Variants in ARHGAP15 observed in about 807,000 individuals in gnomAD.
ARHGAP15 encodes the protein rho GTPase-activating protein 15.
A neutral mutation model predicts 63.7 loss-of-function variants in ARHGAP15; 51 were observed. The observed-to-expected ratio is 0.80, with a 90% CI of 0.64 to 1.01. The LOEUF is 1.01. ARHGAP15 is among the 50% of genes least tolerant of loss of function. ARHGAP15 has a pLI of 0.00. For synonymous variants in ARHGAP15, 191 were observed against 193.8 expected (o/e 0.99, Z 0.12); for missense variants, 560 against 564.6 (o/e 0.99, Z 0.08).
intron 10 of ARHGAP15, among the ~76,000 whole-genome samples, chr2:143,528,187 G>C (rs547178192): frequency 6.6e-6 from 1 of 152,024 alleles, no homozygotes; most frequent in Non-Finnish European, 1.5e-5. Context: ...ATAGCCTGCT[G>C]TTTTTAATCA....
intron 6 of ARHGAP15, among the ~76,000 whole-genome samples, chr2:143,359,514 A>G (rs1204322870): frequency 6.6e-6 from 1 of 152,100 alleles, no homozygotes; most frequent in Non-Finnish European, 1.5e-5. Flanking sequence ...ATTTCTTGCC[A>G]GTGCCTTCAT....
At chr2:143,641,531 G>C (rs1174355631) in intron 12 of ARHGAP15, among the ~76,000 whole-genome samples, 1 of 152,058 alleles carries the variant, frequency 6.6e-6, no homozygotes, top group Non-Finnish European at 1.5e-5. Context: ...AGTTACTTCA[G>C]GAGATTAATT....
At chr2:143,298,663 T>C (rs1452214287) in intron 6 of ARHGAP15, among the ~76,000 whole-genome samples, 2 of 151,942 alleles carry the variant, frequency 1.3e-5, no homozygotes, top group Non-Finnish European at 2.9e-5. Flanking sequence ...TCAGAAAATA[T>C]GTTAATAAAA....
At chr2:143,303,422 A>G (rs1213679233) in intron 6 of ARHGAP15, among the ~76,000 whole-genome samples, 1 of 152,076 alleles carries the variant, frequency 6.6e-6, no homozygotes, top group Non-Finnish European at 1.5e-5. Context: ...ATATGTAGAA[A>G]GCTGAAACTG....
chr2:143,478,383 T>A (rs566124946), intron 8 of ARHGAP15, among the ~76,000 whole-genome samples: 1 of 152,252 alleles, frequency 6.6e-6, no homozygotes, highest in Admixed American at 6.5e-5. Flanking sequence ...GTAAAGCAGA[T>A]GATTTAAGAC....
chr2:143,286,638 G>A, intron 6 of ARHGAP15, among the ~76,000 whole-genome samples: 1 of 152,078 alleles, frequency 6.6e-6, no homozygotes, highest in Non-Finnish European at 1.5e-5. Context: ...GAAGAAAATA[G>A]AGAAAAAGAG....
intron 6 of ARHGAP15, among the ~76,000 whole-genome samples, chr2:143,388,374 C>T (rs1261182704): frequency 2.0e-5 from 3 of 152,036 alleles, no homozygotes; most frequent in African/African-American, 7.2e-5. Flanking sequence ...CTTAAAAATC[C>T]AGAAGGATTC....
chr2:143,301,113 G>A (rs534269971), intron 6 of ARHGAP15, among the ~76,000 whole-genome samples: 2 of 151,734 alleles, frequency 1.3e-5, no homozygotes, highest in Admixed American at 1.3e-4. Flanking sequence ...ATGACAAGAG[G>A]CAAATATGAA....
intron 4 of ARHGAP15, among the ~76,000 whole-genome samples, chr2:143,222,165 CAGA>C (rs1693028612): frequency 6.6e-6 from 1 of 152,316 alleles, no homozygotes; most frequent in East Asian, 1.9e-4. Flanking sequence ...GAATATGAGA[CAGA>C]AGAAGTAAGT....
At chr2:143,373,629 CAAAAAAAAAAAA>C (rs58153000) in intron 6 of ARHGAP15, among the ~76,000 whole-genome samples, 17 of 62,954 alleles carry the variant, frequency 2.7e-4, no homozygotes, top group Non-Finnish European at 3.7e-4. Flanking sequence ...GACTCTATCT[CAAAAAAAAAAAA>C]AAAAAAAAAA....
At chr2:143,471,708 C>T (rs1691586329) in intron 8 of ARHGAP15, among the ~76,000 whole-genome samples, 1 of 152,052 alleles carries the variant, frequency 6.6e-6, no homozygotes, top group Non-Finnish European at 1.5e-5. Context: ...TGCAAAGGAC[C>T]TGAGGCAGGA....
intron 13 of ARHGAP15, chr2:143,706,694 G>A (rs1684343474): frequency 6.6e-6 from 1 of 152,172 alleles, no homozygotes; most frequent in Admixed American, 6.6e-5. Context: ...TCAGAGTCCA[G>A]AGTCTTCATT....
chr2:143,412,738 C>A (rs577519303), intron 6 of ARHGAP15, among the ~76,000 whole-genome samples: 2 of 79,646 alleles, frequency 2.5e-5, no homozygotes, highest in African/African-American at 8.6e-5. Context: ...TTGAAAAGTT[C>A]TCAGCCATTA....
chr2:143,329,619 TAAG>T (rs905020385), intron 6 of ARHGAP15, among the ~76,000 whole-genome samples: 3 of 152,088 alleles, frequency 2.0e-5, no homozygotes, highest in Non-Finnish European at 4.4e-5. Flanking sequence ...AACTGTGAAA[TAAG>T]AAATACTGTG....
chr2:143,415,155 CCTAA>C (rs1033608298), intron 6 of ARHGAP15, among the ~76,000 whole-genome samples: 5 of 151,936 alleles, frequency 3.3e-5, no homozygotes, highest in African/African-American at 1.2e-4. Flanking sequence ...TTTGGTATAT[CCTAA>C]CTAAGACACA....
intron 10 of ARHGAP15, among the ~76,000 whole-genome samples, chr2:143,556,159 G>A (rs1695788712): frequency 6.6e-6 from 1 of 152,030 alleles, no homozygotes; most frequent in Non-Finnish European, 1.5e-5. Flanking sequence ...AATATATGAT[G>A]TAATCCTATT....
chr2:143,420,195 T>C (rs898417939), intron 6 of ARHGAP15, among the ~76,000 whole-genome samples: 3 of 152,180 alleles, frequency 2.0e-5, no homozygotes, highest in Non-Finnish European at 4.4e-5. Flanking sequence ...GTGGCAGTTT[T>C]AGAACACAGC....
At chr2:143,290,629 G>A (rs1416045654) in intron 6 of ARHGAP15, among the ~76,000 whole-genome samples, 2 of 152,046 alleles carry the variant, frequency 1.3e-5, no homozygotes, top group Non-Finnish European at 2.9e-5. Context: ...ATGCACCTGA[G>A]AATTGTTTTA....
intron 10 of ARHGAP15, among the ~76,000 whole-genome samples, chr2:143,545,736 C>T (rs1559042650): frequency 1.3e-5 from 2 of 151,954 alleles, no homozygotes; most frequent in African/African-American, 4.8e-5. Flanking sequence ...TAATTCGCTA[C>T]ATCACAATTG....
Sources: gnomAD v4.1 joint callset for allele counts (sites outside exome capture counted in the v4.1 genomes callset) on GRCh38, gnomAD v4.1.1 for gene constraint, MANE v1.5 for transcripts, NCBI Gene and HGNC (gene_info 2026-07-23, HGNC 2026-07-21) for gene names.